The following VPS8 variants were observed in gnomAD, a reference collection of about 807,000 sequenced individuals.
VPS8 encodes vacuolar protein sorting-associated protein 8 homolog.
Under a neutral mutation model 216.4 loss-of-function variants are expected in VPS8, and 129 were observed. The observed-to-expected ratio is 0.60, with a 90% CI of 0.52 to 0.69. The LOEUF (loss-of-function observed/expected upper bound fraction) is 0.69. Ranked by LOEUF, VPS8 falls within the 30% of genes least tolerant of loss-of-function variation. VPS8 has a pLI of 0.00. For synonymous variants in VPS8, 571 were observed against 565.4 expected (o/e 1.01, Z -0.14); for missense variants, 1,531 against 1,683.5 (o/e 0.91, Z 1.59).
intron 19 of VPS8, 117 bp downstream of exon 19, chr3:184,869,153 T>A: frequency 1.0e-6 from 1 of 963,788 alleles, no homozygotes; most frequent in Non-Finnish European, 1.6e-6. Context: ...ATAAACAGGA[T>A]GCTAATTAAA....
chr3:184,922,076 T>C (rs1024907699), intron 29 of VPS8, among the ~76,000 whole-genome samples: 1 of 152,214 alleles, frequency 6.6e-6, no homozygotes, highest in African/African-American at 2.4e-5. Flanking sequence ...ATTAAATTAT[T>C]AGAATTCACT....
rs1285906185 is a variant in VPS8 at position 184,888,737 on chromosome 3, G to T, written c.1781+2581G>T. 2.6e-5 allele frequency among the ~76,000 whole-genome samples: 4 copies of T among 152,264 alleles called. No homozygotes were observed. In the South Asian group the frequency reaches 8.3e-4, roughly 32 times the overall value. ...ATTCAAATTGAGATAATTTATAAATGAGATGAAGTGAAGTGCCTGAAGGAC... is the reference window on the plus strand; with the variant it reads ...ATTCAAATTGAGATAATTTATAAATTAGATGAAGTGAAGTGCCTGAAGGAC... On this transcript the variant is annotated intron_variant, in intron 22 of 47. Transcript: ENST00000625842.
At chr3:184,917,569 A>G (rs985537426) in intron 28 of VPS8, among the ~76,000 whole-genome samples, 2 of 152,228 alleles carry the variant, frequency 1.3e-5, no homozygotes, top group South Asian at 2.1e-4. Flanking sequence ...AGCCAGGATT[A>G]TAGCACACAT....
At chr3:185,018,003 T>G (rs1283926537) in intron 45 of VPS8, among the ~76,000 whole-genome samples, 2 of 152,222 alleles carry the variant, frequency 1.3e-5, no homozygotes, top group African/African-American at 4.8e-5. Context: ...TTCTACATTC[T>G]TTTTTAGTAT....
At chr3:184,991,252 C>T (rs1311136067) in intron 42 of VPS8, among the ~76,000 whole-genome samples, 1 of 152,132 alleles carries the variant, frequency 6.6e-6, no homozygotes, top group Non-Finnish European at 1.5e-5. Context: ...AACAAATTTA[C>T]CTGGGTACCC....
chr3:184,834,295 C>A (rs1342227020), intron 4 of VPS8, among the ~76,000 whole-genome samples: 1 of 152,156 alleles, frequency 6.6e-6, no homozygotes, highest in African/African-American at 2.4e-5. Context: ...TGATTTGATT[C>A]ATTTTCCTGC....
chr3:184,855,640 T>C, intron 13 of VPS8, 71 bp from the exon 14 acceptor site: 2 of 1,263,692 alleles, frequency 1.6e-6, no homozygotes, highest in Non-Finnish European at 2.3e-6. Flanking sequence ...ATGCTGTTTT[T>C]AACCATAGTT....
rs200265548 is a variant in VPS8, at chr3:185,023,277, T to G, written c.4003-1059T>G. On this transcript the variant is annotated intron_variant, in intron 45 of 47. Transcript: ENST00000625842. Reference sequence around the variant, plus strand: ...CACTCAGCATAGTTATTTGCATGATTGCATCATGTATTTTTAAGCTATTAG... The same window carrying G: ...CACTCAGCATAGTTATTTGCATGATGGCATCATGTATTTTTAAGCTATTAG... 1.1e-4 allele frequency among the ~76,000 whole-genome samples: 17 copies of G among 152,340 alleles called. No homozygotes were observed. The East Asian group carries it at 3.3e-3, about 29-fold the overall frequency.
chr3:184,870,877 G>T (rs1362467813), intron 21 of VPS8, 72 bp downstream of exon 21: 59 of 1,306,492 alleles, frequency 4.5e-5, no homozygotes, highest in Non-Finnish European at 1.1e-6. Flanking sequence ...TGTTACTTGA[G>T]AATGTGACTT....
At chr3:184,873,030 A>G (rs1728635378) in intron 21 of VPS8, among the ~76,000 whole-genome samples, 1 of 152,178 alleles carries the variant, frequency 6.6e-6, no homozygotes, top group Admixed American at 6.6e-5. Flanking sequence ...TGTGCCTACC[A>G]CAATGCTGTG....
chr3:184,865,723 C>G (rs1222913039), intron 16 of VPS8, among the ~76,000 whole-genome samples: 2 of 152,228 alleles, frequency 1.3e-5, no homozygotes, highest in African/African-American at 2.4e-5. Flanking sequence ...CGTGGTGGCT[C>G]TTGCCTGTAA....
At chr3:185,009,791 A>G (rs1307679806) in intron 45 of VPS8, among the ~76,000 whole-genome samples, 1 of 152,124 alleles carries the variant, frequency 6.6e-6, no homozygotes, top group Non-Finnish European at 1.5e-5. Flanking sequence ...GAACGAAGGC[A>G]GAGCTTAGTC....
At chr3:184,982,124 A>G (rs1049819758) in intron 40 of VPS8, among the ~76,000 whole-genome samples, 5 of 152,002 alleles carry the variant, frequency 3.3e-5, no homozygotes, top group Non-Finnish European at 7.4e-5. Flanking sequence ...GCTAAAGGAA[A>G]TTGGGTGGGG....
At chr3:184,948,217 A>G (rs1383152677) in intron 36 of VPS8, among the ~76,000 whole-genome samples, 1 of 67,070 alleles carries the variant, frequency 1.5e-5, no homozygotes, top group Non-Finnish European at 2.7e-5. Context: ...TTGGCCATAT[A>G]GGCTCTTTTT....
At chr3:185,003,957 G>T (rs1185228026) in intron 45 of VPS8, among the ~76,000 whole-genome samples, 1 of 151,198 alleles carries the variant, frequency 6.6e-6, no homozygotes, top group Non-Finnish European at 1.5e-5. Flanking sequence ...CATCTCAGAC[G>T]ATGGGCGGCC....
At chr3:184,940,270 T>TTATATA (rs5855048) in intron 36 of VPS8, 27 bp downstream of exon 36, 93,062 of 560,640 alleles carry the variant, frequency 0.17, 3,165 homozygotes, top group Non-Finnish European at 0.19. Flanking sequence ...TAGTCTTTCA[T>TTATATA]TATATATATA....
chr3:184,907,477 G>A (rs1038682934), intron 25 of VPS8, among the ~76,000 whole-genome samples: 1 of 152,186 alleles, frequency 6.6e-6, no homozygotes, highest in East Asian at 1.9e-4. Context: ...AGGTTTGCCT[G>A]ACATTAGTTC....
chr3:184,845,324 A>G (rs1283792456), intron 8 of VPS8, among the ~76,000 whole-genome samples: 4 of 152,206 alleles, frequency 2.6e-5, no homozygotes, highest in African/African-American at 9.7e-5. Flanking sequence ...TTTCTGGACT[A>G]CAGAATGTTT....
chr3:184,903,481 T>C (rs1734938963), intron 25 of VPS8, among the ~76,000 whole-genome samples: 1 of 152,216 alleles, frequency 6.6e-6, no homozygotes, highest in African/African-American at 2.4e-5. Context: ...AGACGGAGTC[T>C]CACTCTGTCA....
Sources: gnomAD v4.1 joint callset for allele counts (sites outside exome capture counted in the v4.1 genomes callset) on GRCh38, gnomAD v4.1.1 for gene constraint, MANE v1.5 for transcripts, NCBI Gene and HGNC (gene_info 2026-07-23, HGNC 2026-07-21) for gene names.